Variants in PYROXD1 observed in about 807,000 individuals in gnomAD.
The protein encoded by PYROXD1 is tRNA ligase complex-associated NAD(P)H dehydrogenase PYROXD1.
A neutral mutation model predicts 62.0 loss-of-function variants in PYROXD1; 42 were observed. That is an observed-to-expected ratio of 0.68 (90% confidence interval 0.53 to 0.88). The LOEUF (loss-of-function observed/expected upper bound fraction) is 0.88. Among genes scored for constraint, PYROXD1 ranks in the 40% least tolerant of loss-of-function variants. The pLI, the probability that PYROXD1 is intolerant of heterozygous loss-of-function variation, is 0.00. For missense variants in PYROXD1, 493 were observed against 604.8 expected, an observed-to-expected ratio of 0.82 and a Z score of 1.94; for synonymous variants, 170 against 206.4, an observed-to-expected ratio of 0.82 and a Z score of 1.51.
At chr12:21,441,432 T>A (rs1942292514) in intron 2 of PYROXD1, 1 of 130,384 alleles carries the variant, frequency 7.7e-6, no homozygotes, top group Non-Finnish European at 1.7e-5. Flanking sequence ...GATGCCATCC[T>A]TTAATTCCCT....
intron 5 of PYROXD1, among the ~76,000 whole-genome samples, chr12:21,453,511 TTCTAAG>T (rs1435090614): frequency 1.7e-5 from 1 of 60,160 alleles, no homozygotes; most frequent in Non-Finnish European, 3.9e-5. Context: ...GTTTTCTCCT[TTCTAAG>T]TGTAAGTTAA....
chr12:21,438,525 A>G (rs1942236841), intron 1 of PYROXD1: 1 of 152,238 alleles, frequency 6.6e-6, no homozygotes, highest in African/African-American at 2.4e-5. Flanking sequence ...ACTAATTAAT[A>G]AAGAATCCCA....
Position 21,445,560 on chromosome 12 carries a change from A to G in PYROXD1, c.285+94A>G, listed in dbSNP as rs1942371057. ...TCACTCCAGCTCTACTACCACCACC[A>G]TTTAAGTTTTTAACATGTAAAGTTT... On this transcript the variant is annotated intron_variant, in intron 3 of 11. Transcript: ENST00000240651. 8.0e-6 allele frequency: 10 copies of G among 1,251,826 alleles called. No individual in the cohort carries two copies. The Admixed American group carries it at 2.5e-4, about 31-fold the overall frequency. The allele number at this position is 1,251,826 out of a possible 1,614,324, so 77.5% of individuals were successfully genotyped here.
chr12:21,444,768 G>A (rs973269786), intron 2 of PYROXD1, among the ~76,000 whole-genome samples: 1 of 152,172 alleles, frequency 6.6e-6, no homozygotes, highest in Non-Finnish European at 1.5e-5. Flanking sequence ...GTAAGGCTGT[G>A]TGGTCTTTCT....
At chr12:21,461,700 A>G (rs1487267467) in intron 8 of PYROXD1, among the ~76,000 whole-genome samples, 1 of 152,200 alleles carries the variant, frequency 6.6e-6, no homozygotes, top group Non-Finnish European at 1.5e-5. Flanking sequence ...AAGTATTACA[A>G]AAGATTTTTA....
In PYROXD1 at chr12:21,471,095, T is replaced by C. The variant is rs1484944967; in HGVS notation, c.*2341T>C. 1 of 1,566,838 alleles carries C rather than the reference T, an allele frequency of 6.4e-7. No homozygotes were observed. The highest frequency in any genetic ancestry group is 1.4e-5 in the African/African-American group (1 of 71,764). Reference sequence around the variant, plus strand: ...TAGCATAAGCTGTAAAACTGTAGTCTTCTCTGCAGAAAATAAAGGCCAACA... The same window carrying C: ...TAGCATAAGCTGTAAAACTGTAGTCCTCTCTGCAGAAAATAAAGGCCAACA... On this transcript the variant is annotated 3_prime_UTR_variant, in exon 12 of 12. Coordinates refer to ENST00000240651, the MANE Select transcript of PYROXD1 (RefSeq NM_024854.5).
At position 21,440,595 on chromosome 12, in the gene PYROXD1, A is replaced by T. The variant is rs1942276019; in HGVS notation, c.165+147A>T. On this transcript the variant is annotated intron_variant, in intron 2 of 11. Transcript: ENST00000240651. Reference sequence around the variant, plus strand: ...TACAACATGATGTTTTGATACATGTATACATTGTGGAATGGCTAAGTCAAG... The same window carrying T: ...TACAACATGATGTTTTGATACATGTTTACATTGTGGAATGGCTAAGTCAAG... 12 of 521,112 alleles carry T rather than the reference A, an allele frequency of 2.3e-5. No individual in the cohort carries two copies. In the South Asian group the frequency reaches 3.9e-4, roughly 17 times the overall value. 32.3% of individuals were successfully genotyped at this position (521,112 alleles called of 1,614,324 possible). A position where few individuals can be genotyped will look rare whatever the true frequency, so the allele number is the denominator to read the frequency against.
intron 7 of PYROXD1, among the ~76,000 whole-genome samples, chr12:21,456,423 C>T (rs868694137): frequency 5.9e-5 from 9 of 152,246 alleles, no homozygotes; most frequent in Middle Eastern, 3.4e-3. Context: ...GTGAGCCACA[C>T]GAATTTTTCA....
At chr12:21,458,645 T>A (rs1942641960) in intron 7 of PYROXD1, among the ~76,000 whole-genome samples, 1 of 152,274 alleles carries the variant, frequency 6.6e-6, no homozygotes, top group East Asian at 1.9e-4. Flanking sequence ...GAGTAACTGA[T>A]TGCCCTGGTT....
chr12:21,440,240 G>A (rs1311006442), intron 1 of PYROXD1, 128 bp from the exon 2 acceptor site: 15 of 569,442 alleles, frequency 2.6e-5, no homozygotes, highest in African/African-American at 3.8e-5. Context: ...TTTAGATGAG[G>A]AACAGTGGGT....
intron 10 of PYROXD1, among the ~76,000 whole-genome samples, chr12:21,463,899 A>T (rs1431446202): frequency 6.6e-6 from 1 of 152,118 alleles, no homozygotes; most frequent in Non-Finnish European, 1.5e-5. Flanking sequence ...GGAACCAGGC[A>T]ACATTTATCT....
In PYROXD1 at chr12:21,462,127, T is replaced by C; in HGVS notation, c.993+7T>C. On this transcript the variant is annotated splice_region_variant and intron_variant, in intron 9 of 11. Transcript: ENST00000240651. ...TTTTCTCCATGGTAACAGTGTAAGGTGAAATTTTTTTGTCCAGCTGTGAAT... is the reference window on the plus strand; with the variant it reads ...TTTTCTCCATGGTAACAGTGTAAGGCGAAATTTTTTTGTCCAGCTGTGAAT... 1 of 1,558,288 alleles carries C rather than the reference T, an allele frequency of 6.4e-7. No individual in the cohort carries two copies. Among genetic ancestry groups the C allele is most frequent in the South Asian group, 1.1e-5 (1 of 88,746 alleles).
intron 3 of PYROXD1, among the ~76,000 whole-genome samples, 176 bp from the exon 4 acceptor site, chr12:21,449,387 C>T (rs1942449845): frequency 6.6e-6 from 1 of 152,076 alleles, no homozygotes; most frequent in Non-Finnish European, 1.5e-5. Context: ...TGGATTAGTA[C>T]ATGTATTCTC....
intron 10 of PYROXD1, among the ~76,000 whole-genome samples, chr12:21,465,625 A>G (rs1942778709): frequency 6.6e-6 from 1 of 151,374 alleles, no homozygotes; most frequent in Non-Finnish European, 1.5e-5. Flanking sequence ...TTGCCTGTTC[A>G]CTCTGATGGT....
chr12:21,467,619 G>A lies in PYROXD1; in HGVS notation c.1254+1G>A, dbSNP rs781176424. ...TGTGACAAAATTTTTTAACTATAAG[G>A]TAAGATAGTTAAGCATATTAATGCC... On this transcript the variant is annotated splice_donor_variant, in intron 11 of 11. Transcript: ENST00000240651. LOFTEE classifies it high-confidence loss of function. The A allele has an allele frequency of 6.2e-7, 1 of 1,606,170 alleles. No individual in the cohort carries two copies. The highest frequency in any genetic ancestry group is 8.5e-7 in the Non-Finnish European group (1 of 1,174,906).
intron 3 of PYROXD1, chr12:21,447,769 G>A (rs138908063): frequency 5.7e-4 from 93 of 164,024 alleles, no homozygotes; most frequent in East Asian, 3.7e-3. Flanking sequence ...GGTGGATCAC[G>A]AGGTCAGGAG....
At chr12:21,452,602 C>T (rs958576615) in intron 5 of PYROXD1, among the ~76,000 whole-genome samples, 2 of 152,096 alleles carry the variant, frequency 1.3e-5, no homozygotes, top group African/African-American at 4.8e-5. Context: ...ATGTTTGTGA[C>T]TCCTGTTTTA....
In PYROXD1 at chr12:21,467,465, T is replaced by C. The variant is rs1438759743; in HGVS notation, c.1117-16T>C. ...CATGAAAAATGACATTGTGTAACAT[T>C]TTTTCATCATTTCAGATGAGGCTGT... On this transcript the variant is annotated splice_polypyrimidine_tract_variant and intron_variant, in intron 10 of 11. Coordinates refer to ENST00000240651, the MANE Select transcript of PYROXD1 (RefSeq NM_024854.5). 1 of 1,579,212 alleles carries C rather than the reference T, an allele frequency of 6.3e-7. No homozygotes were observed. Among genetic ancestry groups the C allele is most frequent in the East Asian group, 2.3e-5 (1 of 44,136 alleles).
At chr12:21,447,402 T>G (rs1942409729) in intron 3 of PYROXD1, 1 of 152,230 alleles carries the variant, frequency 6.6e-6, no homozygotes, top group Admixed American at 6.5e-5. Flanking sequence ...TAAATTGAGG[T>G]GGGCTCTCAA....
Sources: gnomAD v4.1 joint callset for allele counts (sites outside exome capture counted in the v4.1 genomes callset) on GRCh38, gnomAD v4.1.1 for gene constraint, MANE v1.5 for transcripts, NCBI Gene and HGNC (gene_info 2026-07-23, HGNC 2026-07-21) for gene names.